MYO18B: variants seen among roughly 807,000 people sequenced by gnomAD.
MYO18B encodes unconventional myosin-XVIIIb.
A neutral mutation model predicts 273.0 loss-of-function variants in MYO18B; 204 were observed. The ratio of observed to expected loss-of-function variants is 0.75; its 90% CI spans 0.67 to 0.84. MYO18B has a LOEUF of 0.84. Ranked by LOEUF, MYO18B falls within the 40% of genes least tolerant of loss-of-function variation. The pLI is 0.00. For synonymous variants in MYO18B, 1,330 were observed against 1,305.7 expected, an observed-to-expected ratio of 1.02 and a Z score of -0.40; for missense variants, 3,212 against 3,287.6, an observed-to-expected ratio of 0.98 and a Z score of 0.56.
the MYO18B span, among the ~76,000 whole-genome samples, chr22:26,039,453 AC>A: frequency 5.9e-5 from 9 of 152,008 alleles, no homozygotes; most frequent in Admixed American, 4.6e-4. Context: ...AAGACCATCC[AC>A]TGGTCTTAAA....
chr22:25,841,333 A>C (rs2090076455), intron 17 of MYO18B, among the ~76,000 whole-genome samples: 1 of 152,246 alleles, frequency 6.6e-6, no homozygotes. Flanking sequence ...TGAAAGCCAA[A>C]GACTTCATGG....
chr22:25,950,045 C>T (rs61332422), intron 36 of MYO18B, among the ~76,000 whole-genome samples: 210 of 152,256 alleles, frequency 1.4e-3, no homozygotes, highest in African/African-American at 4.8e-3. Flanking sequence ...AATGACCCTC[C>T]GAGTAGCTCT....
chr22:25,865,424 G>A (rs985423507), intron 21 of MYO18B, among the ~76,000 whole-genome samples: 2 of 152,218 alleles, frequency 1.3e-5, no homozygotes, highest in African/African-American at 4.8e-5. Flanking sequence ...CTTTGGCAGG[G>A]TTTGAAGTGT....
intron 14 of MYO18B, among the ~76,000 whole-genome samples, chr22:25,828,151 A>G (rs2089562356): frequency 6.6e-6 from 1 of 152,184 alleles, no homozygotes. Context: ...CAACCCTCAC[A>G]ACAGCCCTCT....
At chr22:25,908,994 T>C (rs182679555) in intron 32 of MYO18B, among the ~76,000 whole-genome samples, 194 of 152,370 alleles carry the variant, frequency 1.3e-3, no homozygotes, top group Non-Finnish European at 1.4e-3. Flanking sequence ...CTCTGCAGTT[T>C]GTCATGGCCT....
At chr22:25,810,916 A>T (rs2088720640) in intron 12 of MYO18B, among the ~76,000 whole-genome samples, 2 of 152,122 alleles carry the variant, frequency 1.3e-5, no homozygotes, top group African/African-American at 4.8e-5. Context: ...GTGTTCCTTG[A>T]TGGGTTTTGA....
At chr22:25,907,795 G>A (rs2092075029) in intron 31 of MYO18B, among the ~76,000 whole-genome samples, 1 of 152,214 alleles carries the variant, frequency 6.6e-6, no homozygotes, top group South Asian at 2.1e-4. Context: ...AGCACTTTGG[G>A]AGGCTGAGGC....
intron 16 of MYO18B, among the ~76,000 whole-genome samples, chr22:25,834,428 T>C (rs1427416803): frequency 6.6e-6 from 1 of 152,192 alleles, no homozygotes; most frequent in Admixed American, 6.5e-5. Context: ...CATCTTTGAC[T>C]GTCCATCCGG....
intron 12 of MYO18B, among the ~76,000 whole-genome samples, chr22:25,815,851 C>T (rs1236526435): frequency 6.6e-6 from 1 of 152,204 alleles, no homozygotes; most frequent in African/African-American, 2.4e-5. Context: ...TCTTTTCCCC[C>T]AAACACCTGC....
intron 39 of MYO18B, among the ~76,000 whole-genome samples, chr22:25,958,650 TAC>T (rs1050469221): frequency 1.3e-5 from 2 of 152,138 alleles, no homozygotes; most frequent in African/African-American, 2.4e-5. Context: ...GTGTAGAAGT[TAC>T]ACAGTGTGCC....
intron 39 of MYO18B, among the ~76,000 whole-genome samples, chr22:25,985,973 G>C (rs2093198363): frequency 6.6e-6 from 1 of 152,190 alleles, no homozygotes; most frequent in African/African-American, 2.4e-5. Flanking sequence ...TCCAGCGTCA[G>C]CCTCATTTCT....
chr22:25,756,595 A>G (rs905760118), intron 1 of MYO18B: 1 of 152,286 alleles, frequency 6.6e-6, no homozygotes, highest in African/African-American at 2.4e-5. Context: ...GATGTTCACA[A>G]TGGACTCTCA....
At chr22:25,819,686 T>C (rs983973242) in intron 12 of MYO18B, among the ~76,000 whole-genome samples, 1 of 152,200 alleles carries the variant, frequency 6.6e-6, no homozygotes, top group Non-Finnish European at 1.5e-5. Context: ...CTGTTTACAG[T>C]GTATTTAAGT....
At chr22:25,778,882 C>T (rs897117521) in intron 8 of MYO18B, among the ~76,000 whole-genome samples, 13 of 151,678 alleles carry the variant, frequency 8.6e-5, no homozygotes, top group East Asian at 7.7e-4. Flanking sequence ...GATTCAGAGA[C>T]GTTAACTAGC....
chr22:25,764,941 G>C (rs540517491), intron 3 of MYO18B, among the ~76,000 whole-genome samples: 3 of 152,210 alleles, frequency 2.0e-5, no homozygotes, highest in African/African-American at 4.8e-5. Context: ...GGCAGAGCGA[G>C]GGGGAGAGCC....
At position 25,768,695 on chromosome 22, in the gene MYO18B, G is replaced by T; in HGVS notation, c.779G>T (p.Gly260Val). 1 of 1,568,552 alleles carries T rather than the reference G, an allele frequency of 6.4e-7. No homozygotes were observed. The highest frequency in any genetic ancestry group is 8.6e-7 in the Non-Finnish European group (1 of 1,159,600). Residue 260 changes from glycine to valine, a missense_variant, in exon 4 of 44, where the codon GGC (glycine) becomes GTC (valine). Physicochemically the swap from Gly to Val is moderately radical, Grantham distance 109. Coordinates refer to ENST00000335473, the MANE Select transcript of MYO18B (RefSeq NM_032608.7). ...TTELKEAEPQ[G>V]KDRQGTRPQA... ...GAGCTGAAAGAGGCTGAGCCCCAGG[G>T]CAAAGACAGGCAGGGGACCAGGCCC...
chr22:25,967,074 A>G (rs1238027282), intron 39 of MYO18B, among the ~76,000 whole-genome samples: 1 of 152,198 alleles, frequency 6.6e-6, no homozygotes, highest in Non-Finnish European at 1.5e-5. Context: ...ACCAATTACA[A>G]ATAATGCGCT....
rs146334322 is a variant in MYO18B at position 25,832,878 on chromosome 22, C to T, written c.2980-39C>T. ...CAGAAGTTTTCTTCCCCCTTCAGCT[C>T]GCTAAAAGTGCTAACTTTTAAATCC... On this transcript the variant is annotated intron_variant, in intron 15 of 43. Transcript: ENST00000335473. The T allele has an allele frequency of 3.3e-4, 511 of 1,556,984 alleles. 1 individual carries two copies. The African/African-American group carries it at 4.9e-3, about 15-fold the overall frequency.
intron 40 of MYO18B, among the ~76,000 whole-genome samples, chr22:26,000,888 A>G (rs755258495): frequency 6.6e-6 from 1 of 152,196 alleles, no homozygotes; most frequent in Non-Finnish European, 1.5e-5. Context: ...AGTTTAGTGA[A>G]ACAGGTTCAT....
Sources: gnomAD v4.1 joint callset for allele counts (sites outside exome capture counted in the v4.1 genomes callset) on GRCh38, gnomAD v4.1.1 for gene constraint, MANE v1.5 for transcripts, NCBI Gene and HGNC (gene_info 2026-07-23, HGNC 2026-07-21) for gene names.